The following RPS6KC1 variants were observed in gnomAD, a reference collection of about 807,000 sequenced individuals.
RPS6KC1 encodes inactive ribosomal protein S6 kinase delta-1.
RPS6KC1 carries 54 observed loss-of-function variants against 103.8 expected under a neutral mutation model. The ratio of observed to expected loss-of-function variants is 0.52; its 90% confidence interval spans 0.42 to 0.65. The LOEUF is 0.65. RPS6KC1 is among the 30% of genes least tolerant of loss of function. The pLI is 0.00. For missense variants in RPS6KC1, 1,151 were observed against 1,253.8 expected (o/e 0.92, Z 1.24); for synonymous variants, 439 against 438.7 (o/e 1.00, Z -0.01).
chr1:213,434,141 C>T, the RPS6KC1 span, among the ~76,000 whole-genome samples: 2 of 147,826 alleles, frequency 1.4e-5, no homozygotes, highest in Non-Finnish European at 1.5e-5. Flanking sequence ...ATTTGGTTAA[C>T]ATTTATACTG....
intron 1 of RPS6KC1, among the ~76,000 whole-genome samples, chr1:213,069,637 C>T (rs2078685165): frequency 6.6e-6 from 1 of 152,166 alleles, no homozygotes; most frequent in Non-Finnish European, 1.5e-5. Flanking sequence ...TTCTTCCTCA[C>T]ACTCCTAGGC....
Position 213,129,568 on chromosome 1 carries a change from G to A in RPS6KC1, c.514G>A (p.Val172Met). 6.2e-7 allele frequency: 1 copy of A among 1,613,402 alleles called. No homozygotes were observed. The highest frequency in any genetic ancestry group is 1.3e-5 in the African/African-American group (1 of 75,020). The change falls in exon 6 of 15, where the codon GTG becomes ATG. Residue 172 changes from valine to methionine, a missense_variant. Physicochemically the swap from Val to Met is conservative, Grantham distance 21 (BLOSUM62 1). Coordinates refer to ENST00000366960, the MANE Select transcript of RPS6KC1 (RefSeq NM_012424.6). ...TGATCTGGTATCTCTTACTGTTGAT[G>A]TGGATTCTCTTGCTGAGTTAGATGA... Reference protein sequence around the residue: ...DSDLVSLTVDVDSLAELDDGM... With the variant: ...DSDLVSLTVDMDSLAELDDGM...
At chr1:213,818,537 T>C in the RPS6KC1 span, 1 of 152,246 alleles carries the variant, frequency 6.6e-6, no homozygotes, top group Non-Finnish European at 1.5e-5. Flanking sequence ...ATTAGCTTTA[T>C]TGCGGTGGTC....
Position 213,151,676 on chromosome 1 carries a change from G to A in RPS6KC1, c.836-16182G>A, listed in dbSNP as rs548065714. On this transcript the variant is annotated intron_variant, in intron 6 of 14. Transcript: ENST00000366960. ...TCCTCACTTCCCAGTAGGGGCGGCC[G>A]GGCAGACGCGCCCCTCACCTCCCGG... 3.1e-5 allele frequency among the ~76,000 whole-genome samples: 3 copies of A among 95,878 alleles called. No individual in the cohort carries two copies. In the East Asian group the frequency reaches 9.3e-4, roughly 30 times the overall value. The allele number at this position is 95,878 out of a possible 152,430, so 62.9% of individuals were successfully genotyped here.
At chr1:213,347,207 A>T in the RPS6KC1 span, among the ~76,000 whole-genome samples, 1 of 152,206 alleles carries the variant, frequency 6.6e-6, no homozygotes, top group African/African-American at 2.4e-5. Flanking sequence ...GATGCAAAAC[A>T]GGTGGTGAAA....
chr1:213,428,349 G>C, the RPS6KC1 span, among the ~76,000 whole-genome samples: 3 of 151,934 alleles, frequency 2.0e-5, no homozygotes, highest in African/African-American at 7.3e-5. Context: ...TGATATGAGA[G>C]ACCTTCCCTT....
chr1:213,263,635 A>G (rs1281346852), intron 14 of RPS6KC1, among the ~76,000 whole-genome samples: 1 of 152,210 alleles, frequency 6.6e-6, no homozygotes, highest in South Asian at 2.1e-4. Flanking sequence ...GAAAACAAAA[A>G]TTAAAAGAGG....
intron 3 of RPS6KC1, among the ~76,000 whole-genome samples, chr1:213,102,821 T>TGC (rs2082131606): frequency 6.6e-6 from 1 of 152,198 alleles, no homozygotes; most frequent in Non-Finnish European, 1.5e-5. Flanking sequence ...TGTGTATATA[T>TGC]ATGCATGGAA....
the RPS6KC1 span, chr1:213,840,521 G>A: frequency 5.3e-5 from 8 of 152,052 alleles, no homozygotes; most frequent in Non-Finnish European, 1.0e-4. Flanking sequence ...AACTATAATT[G>A]GGCATAAACC....
chr1:213,470,537 G>C, the RPS6KC1 span, among the ~76,000 whole-genome samples: 84 of 151,584 alleles, frequency 5.5e-4, no homozygotes, highest in African/African-American at 2.0e-3. Flanking sequence ...TTATTTATTA[G>C]GGCTACAAAA....
the RPS6KC1 span, among the ~76,000 whole-genome samples, chr1:213,707,343 T>A: frequency 6.6e-6 from 1 of 152,216 alleles, no homozygotes; most frequent in Non-Finnish European, 1.5e-5. Flanking sequence ...CGCATAAATG[T>A]CTTCTTTTGA....
At chr1:213,539,010 C>G in the RPS6KC1 span, among the ~76,000 whole-genome samples, 1 of 152,198 alleles carries the variant, frequency 6.6e-6, no homozygotes, top group African/African-American at 2.4e-5. Context: ...AGGTGACTGA[C>G]TAAAGGACAC....
At chr1:213,586,576 A>C in the RPS6KC1 span, among the ~76,000 whole-genome samples, 6 of 152,242 alleles carry the variant, frequency 3.9e-5, no homozygotes, top group Non-Finnish European at 7.3e-5. Context: ...CTGATACTTT[A>C]CATTATTAGC....
the RPS6KC1 span, among the ~76,000 whole-genome samples, chr1:213,570,292 G>A: frequency 1.2e-4 from 19 of 152,316 alleles, no homozygotes; most frequent in African/African-American, 4.6e-4. Flanking sequence ...GTGAGATTGT[G>A]TATGTGAAAT....
chr1:213,214,290 G>A (rs2093599825), intron 8 of RPS6KC1, among the ~76,000 whole-genome samples: 1 of 152,252 alleles, frequency 6.6e-6, no homozygotes, highest in Non-Finnish European at 1.5e-5. Flanking sequence ...TAGCACAGCA[G>A]TCTGAGATCA....
At chr1:213,657,406 T>C in the RPS6KC1 span, among the ~76,000 whole-genome samples, 2 of 152,204 alleles carry the variant, frequency 1.3e-5, no homozygotes, top group Non-Finnish European at 2.9e-5. Flanking sequence ...GAGGGTAATT[T>C]AAAAAGAGGT....
chr1:213,677,645 G>C, the RPS6KC1 span, among the ~76,000 whole-genome samples: 2 of 152,166 alleles, frequency 1.3e-5, no homozygotes, highest in Non-Finnish European at 2.9e-5. Flanking sequence ...TTGTATGTGG[G>C]GGGAGATGTA....
the RPS6KC1 span, among the ~76,000 whole-genome samples, chr1:213,478,846 A>G: frequency 2.0e-5 from 3 of 152,078 alleles, no homozygotes; most frequent in East Asian, 1.9e-4. Context: ...TAAATCCCCT[A>G]TAGTTTCTTC....
the RPS6KC1 span, among the ~76,000 whole-genome samples, chr1:213,389,122 G>C: frequency 6.6e-6 from 1 of 150,984 alleles, no homozygotes; most frequent in Non-Finnish European, 1.5e-5. Flanking sequence ...GCTGGAGCTA[G>C]CTTTTTTTTT....
Sources: gnomAD v4.1 joint callset for allele counts (sites outside exome capture counted in the v4.1 genomes callset) on GRCh38, gnomAD v4.1.1 for gene constraint, MANE v1.5 for transcripts, NCBI Gene and HGNC (gene_info 2026-07-23, HGNC 2026-07-21) for gene names.